The following MECOM variants were observed in gnomAD, a reference collection of about 807,000 sequenced individuals.
MECOM encodes the protein histone-lysine N-methyltransferase MECOM.
MECOM carries 13 observed loss-of-function variants against 116.3 expected under a neutral mutation model. That is an observed-to-expected ratio of 0.11 (90% CI 0.07 to 0.18). The LOEUF is 0.18. Ranked by LOEUF, MECOM falls within the 10% of genes least tolerant of loss-of-function variation. The pLI is 1.00. For synonymous variants in MECOM, 528 were observed against 535.2 expected, an observed-to-expected ratio of 0.99 and a Z score of 0.19; for missense variants, 1,299 against 1,509.0, an observed-to-expected ratio of 0.86 and a Z score of 2.31.
intron 2 of MECOM, among the ~76,000 whole-genome samples, chr3:169,151,273 G>T (rs1741129065): frequency 6.6e-6 from 1 of 152,200 alleles, no homozygotes; most frequent in African/African-American, 2.4e-5. Context: ...AAACAGCACT[G>T]TAACACTCTG....
At chr3:169,104,986 C>A (rs1033382257) in intron 10 of MECOM, among the ~76,000 whole-genome samples, 3 of 150,704 alleles carry the variant, frequency 2.0e-5, no homozygotes, top group African/African-American at 7.5e-5. Context: ...ACAAGCCTCC[C>A]CCACCTTTGG....
Position 169,625,673 on chromosome 3 carries a change from C to T in MECOM, c.37+37663G>A, listed in dbSNP as rs113681918. Among the ~76,000 whole-genome samples, 1,209 of 152,318 alleles carry T rather than the reference C, an allele frequency of 7.9e-3. 11 individuals carry two copies. The highest frequency in any genetic ancestry group is 0.013 in the Non-Finnish European group (869 of 68,028). On this transcript the variant is annotated intron_variant, in intron 1 of 16. Transcript: ENST00000651503. ...GTCTTTCCACAAATCACTTCACTTG[C>T]TATCAAATGTCTTCCAAAAGACTCT...
intron 2 of MECOM, among the ~76,000 whole-genome samples, chr3:169,290,608 T>A (rs1215510727): frequency 6.6e-6 from 1 of 152,134 alleles, no homozygotes; most frequent in Non-Finnish European, 1.5e-5. Context: ...TCAGATGCTG[T>A]GGATGCAAGT....
intron 2 of MECOM, among the ~76,000 whole-genome samples, chr3:169,184,482 G>A (rs1226105836): frequency 6.6e-6 from 1 of 151,828 alleles, no homozygotes; most frequent in Non-Finnish European, 1.5e-5. Flanking sequence ...AACAAGGCTG[G>A]CTTTCTAATT....
Position 169,102,329 on chromosome 3 carries a change from C to T in MECOM, c.2605-103G>A, listed in dbSNP as rs151133012. 140 of 1,056,372 alleles carry T rather than the reference C, an allele frequency of 1.3e-4. No homozygotes were observed. In the African/African-American group the frequency reaches 1.5e-3, roughly 11 times the overall value. The allele number at this position is 1,056,372 out of a possible 1,614,324, so 65.4% of individuals were successfully genotyped here. ...CATTAAAAGGGAAGCATGAAATCTG[C>T]GACGGGTTGTAGAAAGAGACTGTAG... On this transcript the variant is annotated intron_variant, in intron 10 of 16. Coordinates refer to ENST00000651503, the MANE Select transcript of MECOM (RefSeq NM_004991.4).
intron 2 of MECOM, among the ~76,000 whole-genome samples, chr3:169,263,851 C>A (rs982368779): frequency 6.6e-6 from 1 of 151,606 alleles, no homozygotes; most frequent in Non-Finnish European, 1.5e-5. Flanking sequence ...AATAAAATTA[C>A]TTCTGGTTTA....
At chr3:169,395,562 A>G (rs1019162310) in intron 1 of MECOM, among the ~76,000 whole-genome samples, 19 of 152,318 alleles carry the variant, frequency 1.2e-4, no homozygotes, top group African/African-American at 2.2e-4. Flanking sequence ...AACACAGTCA[A>G]TTCAGAGTTT....
chr3:169,161,525 C>T (rs1189867031), intron 2 of MECOM, among the ~76,000 whole-genome samples: 3 of 152,104 alleles, frequency 2.0e-5, no homozygotes, highest in African/African-American at 7.2e-5. Context: ...TAAAGACAAA[C>T]CATTCACTCA....
chr3:169,439,751 G>A (rs987293166), intron 1 of MECOM, among the ~76,000 whole-genome samples: 16 of 152,228 alleles, frequency 1.1e-4, no homozygotes, highest in Non-Finnish European at 1.8e-4. Context: ...ACATGTTTGA[G>A]GCTGTTCTTG....
chr3:169,617,437 AT>A (rs1433511552), intron 1 of MECOM, among the ~76,000 whole-genome samples: 3 of 152,176 alleles, frequency 2.0e-5, no homozygotes, highest in African/African-American at 7.2e-5. Context: ...GAGAGTCTGC[AT>A]TTTTAACAGG....
chr3:169,177,524 C>T (rs1434986670), intron 2 of MECOM, among the ~76,000 whole-genome samples: 1 of 152,090 alleles, frequency 6.6e-6, no homozygotes, highest in Non-Finnish European at 1.5e-5. Flanking sequence ...TGCAGCAAAC[C>T]ATCATGGCAC....
At chr3:169,360,027 C>T (rs1275055504) in intron 2 of MECOM, among the ~76,000 whole-genome samples, 1 of 151,654 alleles carries the variant, frequency 6.6e-6, no homozygotes, top group Non-Finnish European at 1.5e-5. Context: ...CCTCCTATAA[C>T]TGGTCTTGCC....
chr3:169,582,159 T>C (rs1228917337), intron 1 of MECOM, among the ~76,000 whole-genome samples: 3 of 152,172 alleles, frequency 2.0e-5, no homozygotes, highest in Non-Finnish European at 4.4e-5. Context: ...CATAATACCT[T>C]GTTTTTCTTA....
At chr3:169,370,119 A>G (rs982325962) in intron 2 of MECOM, among the ~76,000 whole-genome samples, 3 of 152,058 alleles carry the variant, frequency 2.0e-5, no homozygotes, top group Non-Finnish European at 2.9e-5. Flanking sequence ...AAAGGGTCCT[A>G]GGGGAGAAAT....
chr3:169,578,008 C>T (rs1481276327), intron 1 of MECOM, among the ~76,000 whole-genome samples: 1 of 151,808 alleles, frequency 6.6e-6, no homozygotes, highest in Non-Finnish European at 1.5e-5. Flanking sequence ...AGTAGGAAAA[C>T]AATCAGAGTT....
At chr3:169,655,159 TGAG>T (rs1293092712) in intron 1 of MECOM, among the ~76,000 whole-genome samples, 5 of 152,212 alleles carry the variant, frequency 3.3e-5, no homozygotes, top group African/African-American at 1.2e-4. Flanking sequence ...GAGCAGGAGC[TGAG>T]AAGAAGCTGC....
intron 1 of MECOM, among the ~76,000 whole-genome samples, chr3:169,562,143 A>AT (rs1762720732): frequency 7.8e-6 from 1 of 128,548 alleles, no homozygotes; most frequent in Admixed American, 8.3e-5. Context: ...AATACTCAAA[A>AT]AAAAAAAAAA....
At chr3:169,100,032 A>G (rs1021986260) in intron 12 of MECOM, among the ~76,000 whole-genome samples, 5 of 149,736 alleles carry the variant, frequency 3.3e-5, no homozygotes, top group Admixed American at 6.6e-5. Flanking sequence ...CTCTAGTTTC[A>G]TATTTTCTTC....
chr3:169,535,683 A>T (rs1759268846), intron 1 of MECOM, among the ~76,000 whole-genome samples: 1 of 152,158 alleles, frequency 6.6e-6, no homozygotes, highest in Non-Finnish European at 1.5e-5. Context: ...AGCCTATCCC[A>T]TCTGGATTAT....
Sources: allele counts gnomAD v4.1 joint callset (sites outside exome capture counted in the v4.1 genomes callset), GRCh38; gene constraint gnomAD v4.1.1; transcripts MANE v1.5; gene names NCBI Gene and HGNC (gene_info 2026-07-23, HGNC 2026-07-21).